BRF1: variants seen among roughly 807,000 people sequenced by gnomAD.
BRF1 encodes transcription factor IIIB 90 kDa subunit.
In BRF1, 59 loss-of-function variants were observed where a neutral mutation model predicts 81.7. That is an observed-to-expected ratio of 0.72 (90% CI 0.59 to 0.90). The LOEUF (loss-of-function observed/expected upper bound fraction) is 0.90, where lower values mean the gene tolerates loss of function less well. Among genes scored for constraint, BRF1 ranks in the 40% least tolerant of loss-of-function variants. The probability of loss-of-function intolerance (pLI) is 0.00; values close to 1 mark genes in which losing one functional copy is unlikely to be tolerated. For synonymous variants in BRF1, 491 were observed against 395.6 expected (o/e 1.24, Z -2.86); for missense variants, 1,050 against 936.3 (o/e 1.12, Z -1.58).
intron 6 of BRF1, among the ~76,000 whole-genome samples, chr14:105,240,866 G>T (rs1410183780): frequency 1.4e-5 from 2 of 139,922 alleles, no homozygotes; most frequent in East Asian, 2.1e-4. Flanking sequence ...TGGGGGCGGG[G>T]GACAGCCTGG....
chr14:105,288,543 A>G (rs1019665970), intron 1 of BRF1, among the ~76,000 whole-genome samples: 8 of 152,170 alleles, frequency 5.3e-5, no homozygotes, highest in South Asian at 2.1e-4. Context: ...TGGTCCCAAC[A>G]CTTTGGGAGG....
chr14:105,310,398 C>T (rs2058318543), intron 1 of BRF1, among the ~76,000 whole-genome samples: 1 of 151,846 alleles, frequency 6.6e-6, no homozygotes, highest in African/African-American at 2.4e-5. Context: ...GGCGTGGTGG[C>T]AGGCGCCTGT....
At chr14:105,243,472 AAT>A (rs1470029228) in intron 5 of BRF1, among the ~76,000 whole-genome samples, 39 of 89,842 alleles carry the variant, frequency 4.3e-4, no homozygotes, top group African/African-American at 1.4e-3. Context: ...AAAAAATAAA[AAT>A]AAAAAATTAG....
Position 105,209,709 on chromosome 14 carries a change from G to T in BRF1, c.*842C>A. 1 of 627,744 alleles carries T rather than the reference G, an allele frequency of 1.6e-6. No individual in the cohort carries two copies. Among genetic ancestry groups the T allele is most frequent in the Non-Finnish European group, 2.9e-6 (1 of 348,024 alleles). 38.9% of individuals were successfully genotyped at this position (627,744 alleles called of 1,614,324 possible). A position where few individuals can be genotyped will look rare whatever the true frequency, so the allele number is the denominator to read the frequency against. ...CCACTGCCCTCTGGCTCTGTCCACGGGGAACTCCCAGCGCCAGGACACTAT... is the reference window on the plus strand; with the variant it reads ...CCACTGCCCTCTGGCTCTGTCCACGTGGAACTCCCAGCGCCAGGACACTAT... On this transcript the variant is annotated 3_prime_UTR_variant, in exon 18 of 18. Coordinates refer to ENST00000547530, the MANE Select transcript of BRF1 (RefSeq NM_001519.4).
intron 3 of BRF1, among the ~76,000 whole-genome samples, chr14:105,263,380 C>T (rs1408264923): frequency 6.6e-6 from 1 of 152,158 alleles, no homozygotes; most frequent in Non-Finnish European, 1.5e-5. Flanking sequence ...CTTCAACAAG[C>T]GAGCAGGGCA....
upstream of BRF1, among the ~76,000 whole-genome samples, chr14:105,303,209 G>A (rs2058089119): frequency 6.6e-6 from 1 of 152,074 alleles, no homozygotes; most frequent in Non-Finnish European, 1.5e-5. Context: ...GATTCTACAC[G>A]TGAGCCAATG....
At position 105,265,068 on chromosome 14, in the gene BRF1, TGTTTG is replaced by T. The variant is rs1566849029; in HGVS notation, c.439+7648_439+7652del. Among the ~76,000 whole-genome samples the T allele has an allele frequency of 3.0e-3, 438 of 144,730 alleles. 22 individuals carry two copies. The highest frequency in any genetic ancestry group is 0.011 in the African/African-American group (424 of 37,030). The allele number at this position is 144,730 out of a possible 152,430, so 94.9% of individuals were successfully genotyped here. A position where few individuals can be genotyped will look rare whatever the true frequency, so the allele number is the denominator to read the frequency against. On this transcript the variant is annotated intron_variant, in intron 3 of 17. Transcript: ENST00000547530. ...TCCTTTTTTTTGTTTTTTTTTTGTT[TGTTTG>T]TTTTTTTAGAGACAGGGTCTCACTC...
chr14:105,228,958 A>G, intron 6 of BRF1, 45 bp from the exon 7 acceptor site: 1 of 1,579,458 alleles, frequency 6.3e-7, no homozygotes, highest in Non-Finnish European at 8.7e-7. Flanking sequence ...GCTGGGAACC[A>G]GGGCAACATC....
chr14:105,251,337 GAGTCCTACCCT>G (rs2140300944), intron 5 of BRF1, among the ~76,000 whole-genome samples: 1 of 152,290 alleles, frequency 6.6e-6, no homozygotes, highest in African/African-American at 2.4e-5. Flanking sequence ...TAGCACCTCA[GAGTCCTACCCT>G]ATGAACAGAC....
chr14:105,287,374 G>A (rs2057353625), intron 1 of BRF1, among the ~76,000 whole-genome samples: 1 of 152,316 alleles, frequency 6.6e-6, no homozygotes, highest in East Asian at 1.9e-4. Context: ...GTAAGGTGAG[G>A]CCCCAGGCAT....
At chr14:105,241,671 C>T (rs1033454278) in intron 5 of BRF1, 2 of 544,790 alleles carry the variant, frequency 3.7e-6, no homozygotes, top group South Asian at 2.0e-5. Context: ...CGTGCTCCTA[C>T]TGCATGGCCG....
At chr14:105,251,040 C>A in intron 5 of BRF1, 1 of 242,514 alleles carries the variant, frequency 4.1e-6, no homozygotes, top group African/African-American at 2.2e-5. Flanking sequence ...CTAAAATTGG[C>A]AAAAAGTCAC....
intron 7 of BRF1, among the ~76,000 whole-genome samples, 193 bp downstream of exon 7, chr14:105,228,627 T>A (rs2054201064): frequency 6.6e-6 from 1 of 151,098 alleles, no homozygotes. Context: ...AGCAGGGAAC[T>A]CTCTGGAGGG....
At chr14:105,220,813 G>A (rs587653953) in intron 11 of BRF1, among the ~76,000 whole-genome samples, 2 of 152,298 alleles carry the variant, frequency 1.3e-5, no homozygotes, top group East Asian at 1.9e-4. Flanking sequence ...CTCCAGGGCC[G>A]AGGCCAGAGA....
chr14:105,249,155 A>G (rs1288492176), intron 5 of BRF1: 2 of 1,572,636 alleles, frequency 1.3e-6, no homozygotes, highest in Non-Finnish European at 1.7e-6. Context: ...CTACCTTTGC[A>G]GGAACGCGCT....
At chr14:105,245,201 A>G (rs1328759279) in intron 5 of BRF1, among the ~76,000 whole-genome samples, 1 of 152,116 alleles carries the variant, frequency 6.6e-6, no homozygotes, top group Non-Finnish European at 1.5e-5. Context: ...TCTACTAAAA[A>G]ATACAAAAAA....
Position 105,315,062 on chromosome 14 carries a change from T to C in BRF1, c.-162+260A>G. 1 of 1,138,484 alleles carries C rather than the reference T, an allele frequency of 8.8e-7. No homozygotes were observed. The highest frequency in any genetic ancestry group is 1.1e-6 in the Non-Finnish European group (1 of 920,620). 70.5% of individuals were successfully genotyped at this position (1,138,484 alleles called of 1,614,324 possible). A position where few individuals can be genotyped will look rare whatever the true frequency, so the allele number is the denominator to read the frequency against. On this transcript the variant is annotated intron_variant, in intron 1 of 17. Coordinates refer to the BRF1 transcript ENST00000327359. This position sits in a 1 kb window ranked among gnomAD's most constrained non-coding sequence, Gnocchi z 4.4. ...GGTACGCGCCGCCCGCCGCGCTTTG[T>C]TCCCGCCGGGCACCTGCTGGGGGTG... is the stretch of plus-strand genomic sequence containing the variant.
At chr14:105,247,448 T>C in intron 5 of BRF1, 1 of 985,428 alleles carries the variant, frequency 1.0e-6, no homozygotes, top group Non-Finnish European at 1.2e-6. Context: ...TTGCCCGTTT[T>C]TTAAAAAACT....
At chr14:105,214,956 A>G (rs1192054134) in intron 15 of BRF1, among the ~76,000 whole-genome samples, 5 of 152,194 alleles carry the variant, frequency 3.3e-5, no homozygotes, top group African/African-American at 1.2e-4. Flanking sequence ...GTCCCCAGGT[A>G]GACCCCCTCT....
Sources: gnomAD v4.1 joint callset for allele counts (sites outside exome capture counted in the v4.1 genomes callset) on GRCh38, gnomAD v4.1.1 for gene constraint, Gnocchi (gnomAD v3.1) non-coding constraint, MANE v1.5 for transcripts, NCBI Gene and HGNC (gene_info 2026-07-23, HGNC 2026-07-21) for gene names.